The following TRIM23 variants were observed in gnomAD, a reference collection of about 807,000 sequenced individuals.
TRIM23 encodes the protein E3 ubiquitin-protein ligase TRIM23.
In TRIM23, 27 loss-of-function variants were observed where a neutral mutation model predicts 71.0. The observed-to-expected ratio is 0.38, with a 90% CI of 0.28 to 0.52. The LOEUF is 0.52. Ranked by LOEUF, TRIM23 falls within the 20% of genes least tolerant of loss-of-function variation. The pLI is 0.84. For synonymous variants in TRIM23, 234 were observed against 238.0 expected, an observed-to-expected ratio of 0.98 and a Z score of 0.16; for missense variants, 482 against 692.3, an observed-to-expected ratio of 0.70 and a Z score of 3.41.
chr5:65,616,352 A>G (rs1754778197), intron 2 of TRIM23, among the ~76,000 whole-genome samples: 1 of 152,196 alleles, frequency 6.6e-6, no homozygotes, highest in African/African-American at 2.4e-5. Context: ...GTGCTCTTCA[A>G]AAAGGTAGAA....
At chr5:65,617,525 C>G (rs1367614051) in intron 2 of TRIM23, among the ~76,000 whole-genome samples, 2 of 152,214 alleles carry the variant, frequency 1.3e-5, no homozygotes, top group East Asian at 3.9e-4. Context: ...ATTTCCAAAT[C>G]TGGTATCTGA....
chr5:65,624,211 C>G lies in TRIM23; in HGVS notation c.64G>C (p.Gly22Arg). 6.2e-7 allele frequency: 1 copy of G among 1,614,230 alleles called. No homozygotes were observed. The highest frequency in any genetic ancestry group is 1.1e-5 in the South Asian group (1 of 91,086). Reference sequence around the variant, plus strand: ...TCCCTCACCTTCACTACAGCTGTCCCCCGGCTGCCCTGCCGGCCACTGTCT... The same window carrying G: ...TCCCTCACCTTCACTACAGCTGTCCGCCGGCTGCCCTGCCGGCCACTGTCT... ...GVDSGRQGSR[G>R]TAVVKVLECG... Residue 22 changes from glycine to arginine, a missense_variant, in exon 1 of 11, where the codon GGG (glycine) becomes CGG (arginine). By Grantham distance (125) the Gly-to-Arg change is moderately radical. Coordinates refer to ENST00000231524, the MANE Select transcript of TRIM23 (RefSeq NM_001656.4).
rs1754661922 is a variant in TRIM23, at chr5:65,611,956, C to T, written c.367-75G>A. The T allele has an allele frequency of 2.1e-6, 3 of 1,405,262 alleles. No homozygotes were observed. The Admixed American group carries it at 7.1e-5, about 33-fold the overall frequency. The allele number at this position is 1,405,262 out of a possible 1,614,324, so 87.0% of individuals were successfully genotyped here. Reference sequence around the variant, plus strand: ...ATGACGAATTTTTAAATATAGAATCCATAATCCTTTTTGCTTAACTGAACA... The same window carrying T: ...ATGACGAATTTTTAAATATAGAATCTATAATCCTTTTTGCTTAACTGAACA... On this transcript the variant is annotated intron_variant, in intron 3 of 10. Coordinates refer to ENST00000231524, the MANE Select transcript of TRIM23 (RefSeq NM_001656.4).
At chr5:65,621,393 T>A (rs1405675084) in intron 1 of TRIM23, among the ~76,000 whole-genome samples, 1 of 152,080 alleles carries the variant, frequency 6.6e-6, no homozygotes, top group Non-Finnish European at 1.5e-5. Context: ...AATGCAACAT[T>A]TTATAAATGC....
chr5:65,611,790 A>G lies in TRIM23; in HGVS notation c.458T>C (p.Val153Ala). 1 of 1,614,196 alleles carries G rather than the reference A, an allele frequency of 6.2e-7. No homozygotes were observed. Residue 153 changes from valine to alanine, a missense_variant, in exon 4 of 11, where the codon GTT (valine) becomes GCT (alanine). Coordinates refer to ENST00000231524, the MANE Select transcript of TRIM23 (RefSeq NM_001656.4). ...TGCTAATGTCTTTGTAGAATGAGTA[A>G]CTTGAGAACACTCAGAGCACAAATG... is the stretch of plus-strand genomic sequence containing the variant. ...ATHLCSECSQ[V>A]THSTKTLAKH...
chr5:65,600,583 G>C (rs1302253912), intron 7 of TRIM23, among the ~76,000 whole-genome samples: 2 of 144,148 alleles, frequency 1.4e-5, no homozygotes, highest in Non-Finnish European at 3.0e-5. Context: ...TCATGACATT[G>C]CATTTGAGAG....
chr5:65,607,522 G>A (rs548122358), intron 6 of TRIM23, among the ~76,000 whole-genome samples: 4 of 151,878 alleles, frequency 2.6e-5, no homozygotes, highest in African/African-American at 4.8e-5. Flanking sequence ...CTTCCCCTTC[G>A]CCTTCCCCCA....
chr5:65,592,175 A>G (rs1431219419), intron 10 of TRIM23, among the ~76,000 whole-genome samples: 1 of 152,212 alleles, frequency 6.6e-6, no homozygotes, highest in African/African-American at 2.4e-5. Flanking sequence ...GGCTAGCTTA[A>G]CAATGAAATC....
chr5:65,591,645 T>TTATATA lies in TRIM23; in HGVS notation c.*118_*123dup, dbSNP rs10644434. 0.14 allele frequency: 99,974 copies of TTATATA among 705,098 alleles called. 4,167 individuals are homozygous for TTATATA. The highest frequency in any genetic ancestry group is 0.17 in the African/African-American group (7,877 of 45,558). The allele number at this position is 705,098 out of a possible 1,614,324, so 43.7% of individuals were successfully genotyped here. A position where few individuals can be genotyped will look rare whatever the true frequency, so the allele number is the denominator to read the frequency against. On this transcript the variant is annotated 3_prime_UTR_variant, in exon 11 of 11. Coordinates refer to ENST00000231524, the MANE Select transcript of TRIM23 (RefSeq NM_001656.4). The stretch of plus-strand genomic sequence containing the variant: ...ACTGAATTCCCAATCCAAGATTCCT[T>TTATATA]TATATATATATATATATATATGCAT...
At chr5:65,600,547 C>G (rs1754332631) in intron 7 of TRIM23, among the ~76,000 whole-genome samples, 1 of 149,176 alleles carries the variant, frequency 6.7e-6, no homozygotes, top group Admixed American at 6.7e-5. Context: ...CATAAAACTC[C>G]TAGAAGAAAA....
chr5:65,621,266 G>A (rs1330055393), intron 1 of TRIM23, among the ~76,000 whole-genome samples: 6 of 152,044 alleles, frequency 3.9e-5, no homozygotes. Context: ...GCAGGAGAAT[G>A]GTATGAACCT....
At chr5:65,620,283 A>G (rs1006168127) in intron 1 of TRIM23, among the ~76,000 whole-genome samples, 2 of 152,196 alleles carry the variant, frequency 1.3e-5, no homozygotes, top group African/African-American at 2.4e-5. Flanking sequence ...CCAAATTTAA[A>G]TAACTCAGTA....
In TRIM23 at chr5:65,608,519, T is replaced by C. The variant is rs1027452959; in HGVS notation, c.1044+724A>G. Among the ~76,000 whole-genome samples the C allele has an allele frequency of 3.9e-5, 6 of 152,186 alleles. No homozygotes were observed. The South Asian group carries it at 1.2e-3, about 31-fold the overall frequency. Reference sequence around the variant, plus strand: ...CAATGGTACAAGGCTTAGCCTACAATGATTTGAAATCAACACAATTATTAG... The same window carrying C: ...CAATGGTACAAGGCTTAGCCTACAACGATTTGAAATCAACACAATTATTAG... On this transcript the variant is annotated intron_variant, in intron 6 of 10. Coordinates refer to ENST00000231524, the MANE Select transcript of TRIM23 (RefSeq NM_001656.4).
chr5:65,605,781 C>T (rs933868180), intron 6 of TRIM23, among the ~76,000 whole-genome samples: 6 of 152,106 alleles, frequency 3.9e-5, no homozygotes, highest in African/African-American at 1.2e-4. Context: ...TCCATGAGAA[C>T]GGTAGTATTA....
At chr5:65,616,196 TAG>T (rs1754774486) in intron 2 of TRIM23, among the ~76,000 whole-genome samples, 1 of 152,186 alleles carries the variant, frequency 6.6e-6, no homozygotes, top group Non-Finnish European at 1.5e-5. Flanking sequence ...CTTCTTGGAC[TAG>T]AGAGAAATTC....
At chr5:65,604,668 T>C (rs1283545176) in intron 7 of TRIM23, 4 of 349,984 alleles carry the variant, frequency 1.1e-5, no homozygotes, top group African/African-American at 2.1e-5. Context: ...TTTAAAAATA[T>C]GGCACACTTC....
rs75237335 is a variant in TRIM23, at chr5:65,615,289, G to T, written c.245-1070C>A. ...AAACAAGCATTTTCAAATACTTTTTGCAGCAACCTACCTTAAGAAATACAT... is the reference window on the plus strand; with the variant it reads ...AAACAAGCATTTTCAAATACTTTTTTCAGCAACCTACCTTAAGAAATACAT... On this transcript the variant is annotated intron_variant, in intron 2 of 10. Transcript: ENST00000231524. Among the ~76,000 whole-genome samples the T allele has an allele frequency of 6.0e-3, 919 of 152,090 alleles. 9 individuals are homozygous for T. The highest frequency in any genetic ancestry group is 0.02 in the African/African-American group (837 of 41,518).
chr5:65,608,811 T>C (rs1171879243), intron 6 of TRIM23, among the ~76,000 whole-genome samples: 2 of 152,096 alleles, frequency 1.3e-5, no homozygotes, highest in East Asian at 3.9e-4. Context: ...ACGTAGGCAG[T>C]ACATGGTAGA....
chr5:65,604,705 G>C (rs1015368364), intron 7 of TRIM23: 3 of 420,196 alleles, frequency 7.1e-6, no homozygotes, highest in Non-Finnish European at 1.2e-5. Context: ...TCCTTGCACA[G>C]GGGCCATGCT....
Sources: gnomAD v4.1 joint callset for allele counts (sites outside exome capture counted in the v4.1 genomes callset) on GRCh38, gnomAD v4.1.1 for gene constraint, MANE v1.5 for transcripts, NCBI Gene and HGNC (gene_info 2026-07-23, HGNC 2026-07-21) for gene names.